The following CDR2L variants were observed in gnomAD, a reference collection of about 807,000 sequenced individuals.
CDR2L encodes cerebellar degeneration related protein 2 like, also known as cerebellar degeneration-related protein 2-like.
A neutral mutation model predicts 36.1 loss-of-function variants in CDR2L; 19 were observed. That is an observed-to-expected ratio of 0.53 (90% CI 0.37 to 0.77). The LOEUF is 0.77. CDR2L is among the 30% of genes least tolerant of loss of function. The pLI is 0.00. For missense variants in CDR2L, 575 were observed against 627.2 expected (o/e 0.92, Z 0.89); for synonymous variants, 285 against 280.4 (o/e 1.02, Z -0.16).
intron 1 of CDR2L, among the ~76,000 whole-genome samples, chr17:74,993,728 G>T (rs1368998318): frequency 1.3e-5 from 2 of 152,250 alleles, no homozygotes; most frequent in African/African-American, 4.8e-5. Flanking sequence ...TGAGGAAGAT[G>T]TTTGGGAAAG....
intron 2 of CDR2L, among the ~76,000 whole-genome samples, chr17:75,000,903 G>C (rs944790908): frequency 1.3e-5 from 2 of 151,364 alleles, no homozygotes; most frequent in Non-Finnish European, 2.9e-5. Context: ...GGGCGAGAGA[G>C]CAAGACTCCG....
rs1053809180 is a variant in CDR2L at position 74,998,194 on chromosome 17, C to T, written c.80-1310C>T. On this transcript the variant is annotated intron_variant, in intron 1 of 4. Transcript: ENST00000337231. The stretch of plus-strand genomic sequence containing the variant: ...GAGCCAAGATCGCGCCACTGCACTC[C>T]AGCCTGAGCAAAAAGAGCAAAACTC... Among the ~76,000 whole-genome samples the T allele has an allele frequency of 3.6e-4, 54 of 151,936 alleles. 1 individual carries two copies. Among genetic ancestry groups the T allele is most frequent in the African/African-American group, 1.3e-3 (53 of 41,464 alleles).
At chr17:75,000,614 A>G (rs2039859922) in intron 2 of CDR2L, among the ~76,000 whole-genome samples, 2 of 119,530 alleles carry the variant, frequency 1.7e-5, no homozygotes, top group Non-Finnish European at 3.5e-5. Flanking sequence ...AGATTTTAGA[A>G]GTTAAAAAAA....
intron 2 of CDR2L, 93 bp from the exon 3 acceptor site, chr17:75,001,248 G>GA: frequency 1.5e-6 from 2 of 1,322,896 alleles, no homozygotes; most frequent in Non-Finnish European, 2.0e-6. Flanking sequence ...GAAAAGAAAA[G>GA]AAAAAAGACA....
chr17:75,005,493 C>T lies in CDR2L; in HGVS notation c.*1419C>T, dbSNP rs2039898002. 6.5e-6 allele frequency: 1 copy of T among 152,766 alleles called. No homozygotes were observed. The highest frequency in any genetic ancestry group is 6.5e-5 in the Admixed American group (1 of 15,284). The allele number at this position is 152,766 out of a possible 1,614,324, so 9.5% of individuals were successfully genotyped here. On this transcript the variant is annotated 3_prime_UTR_variant, in exon 5 of 5. Coordinates refer to ENST00000337231, the MANE Select transcript of CDR2L (RefSeq NM_014603.3). This position sits in a 1 kb window ranked among gnomAD's most constrained non-coding sequence, Gnocchi z 4.2. Reference sequence around the variant, plus strand: ...GGGTTTTCTTACCAAGCATCCCTGACCTCCTGGAGACACCACCTGCTTTCC... The same window carrying T: ...GGGTTTTCTTACCAAGCATCCCTGATCTCCTGGAGACACCACCTGCTTTCC...
At chr17:74,993,819 GGCC>G (rs2039810230) in intron 1 of CDR2L, among the ~76,000 whole-genome samples, 1 of 152,144 alleles carries the variant, frequency 6.6e-6, no homozygotes, top group Non-Finnish European at 1.5e-5. Flanking sequence ...GATGACACAG[GGCC>G]CTCCTTTGGC....
At position 75,000,361 on chromosome 17, in the gene CDR2L, G is replaced by A. The variant is rs563271399; in HGVS notation, c.192+745G>A. Among the ~76,000 whole-genome samples, 9 of 17,114 alleles carry A rather than the reference G, an allele frequency of 5.3e-4. No homozygotes were observed. The East Asian group carries it at 5.8e-3, about 11-fold the overall frequency. 11.2% of individuals were successfully genotyped at this position (17,114 alleles called of 152,430 possible). A position where few individuals can be genotyped will look rare whatever the true frequency, so the allele number is the denominator to read the frequency against. ...CACCCAGGCTGGAGTGCAGTGGCGCGATCTGGGCTCACTGCAGCTCTGCCT... is the reference window on the plus strand; with the variant it reads ...CACCCAGGCTGGAGTGCAGTGGCGCAATCTGGGCTCACTGCAGCTCTGCCT... On this transcript the variant is annotated intron_variant, in intron 2 of 4. Coordinates refer to ENST00000337231, the MANE Select transcript of CDR2L (RefSeq NM_014603.3).
chr17:75,001,669 A>C (rs1260830448), intron 3 of CDR2L, among the ~76,000 whole-genome samples, 180 bp downstream of exon 3: 1 of 152,224 alleles, frequency 6.6e-6, no homozygotes, highest in East Asian at 1.9e-4. Flanking sequence ...CCTTGCTTTA[A>C]GCACCAACTA....
chr17:75,000,617 T>TA (rs71159407), intron 2 of CDR2L, among the ~76,000 whole-genome samples: 47,161 of 114,144 alleles, frequency 0.41, 8,916 homozygotes, highest in Admixed American at 0.5. Context: ...TTTTAGAAGT[T>TA]AAAAAAAAAA....
chr17:74,993,823 C>A (rs2039810268), intron 1 of CDR2L, among the ~76,000 whole-genome samples: 1 of 152,220 alleles, frequency 6.6e-6, no homozygotes, highest in Non-Finnish European at 1.5e-5. Context: ...ACACAGGGCC[C>A]TCCTTTGGCT....
At position 75,005,436 on chromosome 17, in the gene CDR2L, C is replaced by A. The variant is rs2039897594; in HGVS notation, c.*1362C>A. On this transcript the variant is annotated 3_prime_UTR_variant, in exon 5 of 5. Coordinates refer to ENST00000337231, the MANE Select transcript of CDR2L (RefSeq NM_014603.3). The surrounding 1 kb of genome is among the most constrained non-coding windows in gnomAD (Gnocchi z 4.2). The stretch of plus-strand genomic sequence containing the variant: ...TCTGCACCGGGATCCCAGTGGGAAC[C>A]TTCATGCCTTATTTATTTCTAATGG... 1 of 152,746 alleles carries A rather than the reference C, an allele frequency of 6.5e-6. No homozygotes were observed. The highest frequency in any genetic ancestry group is 2.4e-5 in the African/African-American group (1 of 41,454). 9.5% of individuals were successfully genotyped at this position (152,746 alleles called of 1,614,324 possible). A position where few individuals can be genotyped will look rare whatever the true frequency, so the allele number is the denominator to read the frequency against.
intron 1 of CDR2L, among the ~76,000 whole-genome samples, chr17:74,995,796 C>A (rs539575995): frequency 1.3e-5 from 2 of 152,320 alleles, no homozygotes; most frequent in Non-Finnish European, 2.9e-5. Context: ...AGCCACTGCA[C>A]CCGGCCTAAA....
chr17:74,999,323 C>A (rs200099192), intron 1 of CDR2L, among the ~76,000 whole-genome samples, 181 bp from the exon 2 acceptor site: 2 of 145,478 alleles, frequency 1.4e-5, no homozygotes, highest in Non-Finnish European at 3.1e-5. Flanking sequence ...CACAGACACA[C>A]ACAAAAAGAA....
intron 1 of CDR2L, among the ~76,000 whole-genome samples, chr17:74,997,032 T>TTTTC (rs1157949627): frequency 0.014 from 1,896 of 137,492 alleles, 78 homozygotes; most frequent in African/African-American, 0.05. Context: ...CTATTCACCC[T>TTTTC]TTTCTTTCTT....
rs537971147 is a variant in CDR2L, at chr17:74,991,577, C to T, written c.79+3455C>T. 2.9e-3 allele frequency among the ~76,000 whole-genome samples: 445 copies of T among 151,960 alleles called. 2 individuals carry two copies. The Middle Eastern group carries it at 0.045, about 15-fold the overall frequency. On this transcript the variant is annotated intron_variant, in intron 1 of 4. Coordinates refer to ENST00000337231, the MANE Select transcript of CDR2L (RefSeq NM_014603.3). The stretch of plus-strand genomic sequence containing the variant: ...CTAAAAATACAAAAAATTAGCCGGG[C>T]GCGGTGGCGGGCGCCTGTAGTCCCA...
intron 1 of CDR2L, among the ~76,000 whole-genome samples, chr17:74,990,215 C>G (rs574852885): frequency 6.6e-6 from 1 of 152,174 alleles, no homozygotes; most frequent in Non-Finnish European, 1.5e-5. Context: ...GCTGGGTGGC[C>G]GTGCTCTGGG....
chr17:74,999,015 T>C (rs7219951), intron 1 of CDR2L, among the ~76,000 whole-genome samples: 2,011 of 152,324 alleles, frequency 0.013, 52 homozygotes, highest in African/African-American at 0.046. Flanking sequence ...CCAGCCAGCA[T>C]GCCTCAAGGT....
At position 74,998,419 on chromosome 17, in the gene CDR2L, C is replaced by G. The variant is rs527574261; in HGVS notation, c.80-1085C>G. On this transcript the variant is annotated intron_variant, in intron 1 of 4. Coordinates refer to ENST00000337231, the MANE Select transcript of CDR2L (RefSeq NM_014603.3). ...GGTCTCACTATGTTGCCCTGGGAGG[C>G]TGAGGGAGGAAGATCGTTGAGCCCA... Among the ~76,000 whole-genome samples, 7 of 151,220 alleles carry G rather than the reference C, an allele frequency of 4.6e-5. 1 individual carries two copies. The East Asian group carries it at 1.4e-3, about 29-fold the overall frequency.
Position 74,997,084 on chromosome 17 carries a change from C to CTT in CDR2L, c.80-2409_80-2408dup, listed in dbSNP as rs146651171. 1.6e-4 allele frequency among the ~76,000 whole-genome samples: 12 copies of CTT among 73,344 alleles called. 1 individual carries two copies. Among genetic ancestry groups the CTT allele is most frequent in the African/African-American group, 7.4e-4 (12 of 16,128 alleles). The allele number at this position is 73,344 out of a possible 152,430, so 48.1% of individuals were successfully genotyped here. A position where few individuals can be genotyped will look rare whatever the true frequency, so the allele number is the denominator to read the frequency against. On this transcript the variant is annotated intron_variant, in intron 1 of 4. Coordinates refer to ENST00000337231, the MANE Select transcript of CDR2L (RefSeq NM_014603.3). ...TCTTTCTTTCTTTCTTTCTTTCTTTCTTTTTTTTTTTTGAGACTGAGTCTC... is the reference window on the plus strand; with the variant it reads ...TCTTTCTTTCTTTCTTTCTTTCTTTCTTTTTTTTTTTTTTGAGACTGAGTCTC...
Sources: gnomAD v4.1 joint callset for allele counts (sites outside exome capture counted in the v4.1 genomes callset) on GRCh38, gnomAD v4.1.1 for gene constraint, Gnocchi (gnomAD v3.1) non-coding constraint, MANE v1.5 for transcripts, NCBI Gene and HGNC (gene_info 2026-07-23, HGNC 2026-07-21) for gene names.